The following ADAMTS6 variants were observed in gnomAD, a reference collection of about 807,000 sequenced individuals.
ADAMTS6 encodes the protein A disintegrin and metalloproteinase with thrombospondin motifs 6.
A neutral mutation model predicts 144.3 loss-of-function variants in ADAMTS6; 23 were observed. That is an observed-to-expected ratio of 0.16 (90% CI 0.11 to 0.23). ADAMTS6 has a LOEUF of 0.23. Among genes scored for constraint, ADAMTS6 ranks in the 10% least tolerant of loss-of-function variants. The pLI, the probability that ADAMTS6 is intolerant of heterozygous loss-of-function variation, is 1.00. For synonymous variants in ADAMTS6, 444 were observed against 457.5 expected, an observed-to-expected ratio of 0.97 and a Z score of 0.38; for missense variants, 999 against 1,379.6, an observed-to-expected ratio of 0.72 and a Z score of 4.37.
At chr5:65,287,287 G>C (rs1406286398) in intron 11 of ADAMTS6, among the ~76,000 whole-genome samples, 1 of 152,016 alleles carries the variant, frequency 6.6e-6, no homozygotes, top group Admixed American at 6.6e-5. Context: ...AAAAAGACGG[G>C]GACAGGACTT....
intron 7 of ADAMTS6, among the ~76,000 whole-genome samples, chr5:65,437,157 C>T (rs1009954600): frequency 1.3e-5 from 2 of 150,202 alleles, no homozygotes; most frequent in Non-Finnish European, 3.0e-5. Flanking sequence ...TGCAGTGGTG[C>T]GATCTCGGCT....
chr5:65,255,259 T>A (rs1760544995), intron 14 of ADAMTS6, among the ~76,000 whole-genome samples: 1 of 151,806 alleles, frequency 6.6e-6, no homozygotes, highest in African/African-American at 2.4e-5. Flanking sequence ...CTTGAAGAAA[T>A]TTTTTTTTAA....
intron 3 of ADAMTS6, among the ~76,000 whole-genome samples, chr5:65,469,213 C>T (rs1381844043): frequency 6.6e-6 from 1 of 152,130 alleles, no homozygotes; most frequent in Non-Finnish European, 1.5e-5. Context: ...AAATGTGGTT[C>T]AAATTCATTC....
chr5:65,381,256 G>A (rs947663892), intron 7 of ADAMTS6, among the ~76,000 whole-genome samples: 3 of 152,006 alleles, frequency 2.0e-5, no homozygotes, highest in African/African-American at 7.2e-5. Flanking sequence ...AAAAGCAAAT[G>A]TGCTAGCTTT....
At chr5:65,260,734 G>T in intron 13 of ADAMTS6, 71 bp from the exon 14 acceptor site, 1 of 1,177,084 alleles carries the variant, frequency 8.5e-7, no homozygotes, top group Non-Finnish European at 1.2e-6. Context: ...TATATTACTT[G>T]ATGAAAACAT....
intron 9 of ADAMTS6, among the ~76,000 whole-genome samples, chr5:65,328,814 A>G (rs1388367129): frequency 2.0e-5 from 3 of 152,062 alleles, no homozygotes; most frequent in African/African-American, 7.2e-5. Context: ...TTCCTTTGGC[A>G]CAGGTTCACT....
At chr5:65,406,197 G>C (rs2150173648) in intron 7 of ADAMTS6, among the ~76,000 whole-genome samples, 1 of 152,276 alleles carries the variant, frequency 6.6e-6, no homozygotes, top group Middle Eastern at 3.4e-3. Context: ...AATAGGAGTG[G>C]TGAGAGAGGG....
chr5:65,473,473 T>C (rs1226129482), intron 2 of ADAMTS6, 104 bp downstream of exon 2: 22 of 964,662 alleles, frequency 2.3e-5, no homozygotes, highest in Non-Finnish European at 3.4e-5. Context: ...TTCCTATCAC[T>C]ACATATCCCA....
At chr5:65,151,998 C>T (rs1752163444) in intron 24 of ADAMTS6, 53 bp from the exon 25 acceptor site, 5 of 1,463,302 alleles carry the variant, frequency 3.4e-6, no homozygotes, top group Middle Eastern at 1.8e-4. Flanking sequence ...TAAACAAGTA[C>T]ATAAACAAGC....
chr5:65,399,375 T>A (rs879736834), intron 7 of ADAMTS6, among the ~76,000 whole-genome samples: 3 of 152,248 alleles, frequency 2.0e-5, no homozygotes, highest in Non-Finnish European at 4.4e-5. Context: ...TCACAATATT[T>A]ATTAATACAG....
At position 65,452,876 on chromosome 5, in the gene ADAMTS6, G is replaced by T; in HGVS notation, c.674C>A (p.Ser225Tyr). ...SGKPWWLNDT[S>Y]TVSYSLPINN... Reference sequence around the variant, plus strand: ...AATTGGTAGTGAATAAGAAACAGTGGATGTGTCATTCAGCCACCAAGGTTT... The same window carrying T: ...AATTGGTAGTGAATAAGAAACAGTGTATGTGTCATTCAGCCACCAAGGTTT... The change falls in exon 5 of 25, where the codon TCC becomes TAC. Residue 225 changes from serine to tyrosine, a missense_variant. By Grantham distance (144) the Ser-to-Tyr change is moderately radical (BLOSUM62 -2). Transcript: ENST00000381055. The T allele has an allele frequency of 1.9e-6, 3 of 1,613,816 alleles. No individual in the cohort carries two copies. The highest frequency in any genetic ancestry group is 1.1e-5 in the South Asian group (1 of 91,054).
At chr5:65,300,250 GC>G in intron 9 of ADAMTS6, 119 bp from the exon 10 acceptor site, 1 of 856,136 alleles carries the variant, frequency 1.2e-6, no homozygotes, top group Non-Finnish European at 1.8e-6. Context: ...ATCAGGATAG[GC>G]CAGATCCTCT....
At chr5:65,278,792 C>A (rs1052967338) in intron 11 of ADAMTS6, among the ~76,000 whole-genome samples, 3 of 152,198 alleles carry the variant, frequency 2.0e-5, no homozygotes, top group Admixed American at 2.0e-4. Context: ...TAATTGTATT[C>A]TCATTTTTTA....
At chr5:65,291,543 G>A in intron 10 of ADAMTS6, 73 bp from the exon 11 acceptor site, 1 of 1,430,540 alleles carries the variant, frequency 7.0e-7, no homozygotes, top group Non-Finnish European at 9.3e-7. Flanking sequence ...GAAACCACGT[G>A]TTGAGCTTTG....
intron 12 of ADAMTS6, among the ~76,000 whole-genome samples, chr5:65,269,388 A>T (rs191785301): frequency 9.8e-5 from 15 of 152,304 alleles, no homozygotes; most frequent in Admixed American, 7.2e-4. Context: ...TCTTATTGTG[A>T]TTCCTAAAAG....
chr5:65,419,720 A>T (rs1472303478), intron 7 of ADAMTS6, among the ~76,000 whole-genome samples: 1 of 152,234 alleles, frequency 6.6e-6, no homozygotes, highest in Non-Finnish European at 1.5e-5. Context: ...TTATGCTACA[A>T]GAAAGAGGTC....
At chr5:65,401,634 G>GT (rs1319656281) in intron 7 of ADAMTS6, among the ~76,000 whole-genome samples, 4 of 152,134 alleles carry the variant, frequency 2.6e-5, no homozygotes, top group Non-Finnish European at 5.9e-5. Context: ...TACAGGTCAG[G>GT]TTTTCCTATC....
At chr5:65,252,865 AT>A (rs1178957674) in intron 14 of ADAMTS6, among the ~76,000 whole-genome samples, 1 of 151,642 alleles carries the variant, frequency 6.6e-6, no homozygotes, top group Non-Finnish European at 1.5e-5. Flanking sequence ...AATATTCTGG[AT>A]TTTCTATTTT....
intron 7 of ADAMTS6, among the ~76,000 whole-genome samples, chr5:65,403,590 CT>C (rs779507112): frequency 9.0e-4 from 137 of 152,212 alleles, no homozygotes; most frequent in Non-Finnish European, 9.7e-4. Context: ...CTCTCATACT[CT>C]TATACAATAA....
Sources: gnomAD v4.1 joint callset for allele counts (sites outside exome capture counted in the v4.1 genomes callset) on GRCh38, gnomAD v4.1.1 for gene constraint, MANE v1.5 for transcripts, NCBI Gene and HGNC (gene_info 2026-07-23, HGNC 2026-07-21) for gene names.